Variants in FGD5 observed in about 807,000 individuals in gnomAD.
The protein encoded by FGD5 is FYVE, RhoGEF and PH domain-containing protein 5.
In FGD5, 28 loss-of-function variants were observed where a neutral mutation model predicts 133.4. That is an observed-to-expected ratio of 0.21 (90% CI 0.16 to 0.29). The LOEUF is 0.29. Among genes scored for constraint, FGD5 ranks in the 10% least tolerant of loss-of-function variants. The pLI is 1.00. For missense variants in FGD5, 1,858 were observed against 1,895.2 expected (o/e 0.98, Z 0.36); for synonymous variants, 810 against 776.5 (o/e 1.04, Z -0.72).
At chr3:14,857,389 A>G (rs1372153556) in intron 1 of FGD5, among the ~76,000 whole-genome samples, 3 of 152,268 alleles carry the variant, frequency 2.0e-5, no homozygotes, top group Admixed American at 2.0e-4. Context: ...TGCTGGCTTC[A>G]AGCGATCCTC....
chr3:14,834,133 C>G (rs2036771209), intron 1 of FGD5, among the ~76,000 whole-genome samples: 2 of 152,152 alleles, frequency 1.3e-5, no homozygotes, highest in African/African-American at 4.8e-5. Flanking sequence ...ATGAGATTGT[C>G]ATGGTGGATA....
At chr3:14,893,353 T>C (rs2038066808) in intron 4 of FGD5, among the ~76,000 whole-genome samples, 1 of 152,106 alleles carries the variant, frequency 6.6e-6, no homozygotes, top group African/African-American at 2.4e-5. Flanking sequence ...ATTTATTTAT[T>C]ATGTATTTAT....
intron 1 of FGD5, among the ~76,000 whole-genome samples, chr3:14,862,180 G>C (rs2037412173): frequency 2.0e-5 from 3 of 152,144 alleles, no homozygotes; most frequent in Non-Finnish European, 2.9e-5. Flanking sequence ...AGGAGGAGTG[G>C]TAGGAGTGCT....
At chr3:14,890,778 T>C in intron 4 of FGD5, among the ~76,000 whole-genome samples, 1 of 152,248 alleles carries the variant, frequency 6.6e-6, no homozygotes, top group East Asian at 1.9e-4. Context: ...AATTAATATT[T>C]AAGCTCCCTG....
intron 11 of FGD5, among the ~76,000 whole-genome samples, chr3:14,913,669 T>C (rs2038494775): frequency 6.6e-6 from 1 of 152,188 alleles, no homozygotes; most frequent in Non-Finnish European, 1.5e-5. Context: ...CCTCTGGCCA[T>C]GCCCCTCTGA....
chr3:14,831,559 C>A (rs1349954664), intron 1 of FGD5, among the ~76,000 whole-genome samples: 2 of 152,090 alleles, frequency 1.3e-5, no homozygotes, highest in Admixed American at 1.3e-4. Flanking sequence ...GAGTGCTCTT[C>A]CCAGAAGACC....
At chr3:14,912,466 T>C (rs2038467472) in intron 11 of FGD5, among the ~76,000 whole-genome samples, 1 of 152,118 alleles carries the variant, frequency 6.6e-6, no homozygotes, top group Non-Finnish European at 1.5e-5. Flanking sequence ...AGCCAAGCAG[T>C]GCGTGGTTTA....
At position 14,879,852 on chromosome 3, in the gene FGD5, A is replaced by C. The variant is rs568498224; in HGVS notation, c.2659-720A>C. On this transcript the variant is annotated intron_variant, in intron 2 of 19. Transcript: ENST00000285046. ...AGCCAGGTAGAGGGAGGGGGAAAGG[A>C]TGCTGAGGGAACAGCATGTACAAAA... 3.9e-5 allele frequency among the ~76,000 whole-genome samples: 6 copies of C among 152,306 alleles called. No homozygotes were observed. The South Asian group carries it at 1.2e-3, about 32-fold the overall frequency.
chr3:14,835,474 C>G (rs1176297864), intron 1 of FGD5, among the ~76,000 whole-genome samples: 1 of 150,898 alleles, frequency 6.6e-6, no homozygotes, highest in African/African-American at 2.4e-5. Context: ...CACTCCAGCC[C>G]GGATGACAGA....
upstream of FGD5, among the ~76,000 whole-genome samples, chr3:14,818,702 T>G (rs1031271807): frequency 5.9e-5 from 9 of 152,328 alleles, no homozygotes; most frequent in South Asian, 2.1e-4. Context: ...TTCATTTGGT[T>G]GATTTTCGTT....
intron 17 of FGD5, among the ~76,000 whole-genome samples, chr3:14,924,755 T>C (rs552698308): frequency 6.6e-6 from 1 of 152,256 alleles, no homozygotes; most frequent in Non-Finnish European, 1.5e-5. Flanking sequence ...AAAATTTAAA[T>C]AGGTACAGTT....
In FGD5 at chr3:14,897,644, G is replaced by C; in HGVS notation, c.2884G>C (p.Glu962Gln). 2 of 1,605,516 alleles carry C rather than the reference G, an allele frequency of 1.2e-6. No individual in the cohort carries two copies. The highest frequency in any genetic ancestry group is 2.2e-5 in the South Asian group (2 of 89,070). The change falls in exon 5 of 20, where the codon GAG (glutamate) becomes CAG (glutamine). Residue 962 changes from glutamate (E) to glutamine (Q), a missense_variant. This residue lies in a region of FGD5 where 1,824 missense variants were observed against 1,848.9 expected (regional missense o/e 0.99). Coordinates refer to ENST00000285046, the MANE Select transcript of FGD5 (RefSeq NM_152536.4). ...CGACCTTCATCAAGGCATCCTGGAG[G>C]AGCTGGAGGAAAGGCTGTCAAATTG... ...IHDLHQGILE[E>Q]LEERLSNWES...
intron 2 of FGD5, among the ~76,000 whole-genome samples, chr3:14,880,121 C>T (rs1015874322): frequency 2.0e-5 from 3 of 152,032 alleles, no homozygotes; most frequent in Admixed American, 6.5e-5. Flanking sequence ...CCAAGGTGAG[C>T]GGATTGCTTG....
intron 2 of FGD5, among the ~76,000 whole-genome samples, chr3:14,874,917 C>T (rs375611545): frequency 2.6e-5 from 4 of 152,202 alleles, no homozygotes; most frequent in South Asian, 2.1e-4. Context: ...GCCACTGTTG[C>T]GTCCCTCCTT....
At chr3:14,882,227 C>A in intron 4 of FGD5, 1 of 882,060 alleles carries the variant, frequency 1.1e-6, no homozygotes, top group Non-Finnish European at 1.4e-6. Context: ...TCCCTTATTT[C>A]TGGGCTGACA....
chr3:14,869,339 G>A (rs562429908), intron 2 of FGD5, among the ~76,000 whole-genome samples: 12 of 152,142 alleles, frequency 7.9e-5, no homozygotes, highest in African/African-American at 2.7e-4. Flanking sequence ...AAACAAAACT[G>A]GCTATGGTCG....
chr3:14,901,452 G>T (rs2125135484), intron 9 of FGD5, among the ~76,000 whole-genome samples: 1 of 152,324 alleles, frequency 6.6e-6, no homozygotes, highest in East Asian at 1.9e-4. Context: ...GACCACAAAA[G>T]TTTGAGAATC....
At chr3:14,894,523 T>TA (rs1272123099) in intron 4 of FGD5, among the ~76,000 whole-genome samples, 1,525 of 124,604 alleles carry the variant, frequency 0.012, 16 homozygotes, top group African/African-American at 0.043. Flanking sequence ...TTTTTTTTTT[T>TA]TTCCTTTTTT....
chr3:14,904,470 C>T (rs1172388555), intron 9 of FGD5, among the ~76,000 whole-genome samples: 4 of 151,426 alleles, frequency 2.6e-5, no homozygotes, highest in Non-Finnish European at 4.4e-5. Flanking sequence ...GGTTTCTGTG[C>T]CCTTTTCACA....
Sources: gnomAD v4.1 joint callset for allele counts (sites outside exome capture counted in the v4.1 genomes callset) on GRCh38, gnomAD v4.1.1 for gene constraint, gnomAD v4.1.1 regional missense constraint, MANE v1.5 for transcripts, NCBI Gene and HGNC (gene_info 2026-07-23, HGNC 2026-07-21) for gene names.